SEC24C: variants seen among roughly 807,000 people sequenced by gnomAD.
SEC24C encodes SEC24 homolog C, COPII component.
SEC24C carries 22 observed loss-of-function variants against 117.0 expected under a neutral mutation model. The observed-to-expected ratio is 0.19, with a 90% CI of 0.13 to 0.27. The LOEUF (loss-of-function observed/expected upper bound fraction) is 0.27, where lower values mean the gene tolerates loss of function less well. SEC24C is among the 10% of genes least tolerant of loss of function. The pLI is 1.00. For missense variants in SEC24C, 1,155 were observed against 1,375.1 expected (o/e 0.84, Z 2.53); for synonymous variants, 506 against 529.4 (o/e 0.96, Z 0.61).
At chr10:73,748,406 A>G (rs1173920205) in intron 2 of SEC24C, among the ~76,000 whole-genome samples, 1 of 148,944 alleles carries the variant, frequency 6.7e-6, no homozygotes, top group Non-Finnish European at 1.5e-5. Flanking sequence ...AAGTGCTGAC[A>G]TTACAGGCAT....
At chr10:73,754,338 C>T (rs2132534072) in intron 3 of SEC24C, among the ~76,000 whole-genome samples, 1 of 152,208 alleles carries the variant, frequency 6.6e-6, no homozygotes, top group South Asian at 2.1e-4. Context: ...TCGCTTGAAC[C>T]CAGGAGGCAG....
At chr10:73,748,654 C>G (rs1213146994) in intron 2 of SEC24C, among the ~76,000 whole-genome samples, 1 of 152,080 alleles carries the variant, frequency 6.6e-6, no homozygotes, top group Non-Finnish European at 1.5e-5. Context: ...CCAGGCTGGT[C>G]TCAAACTCCT....
chr10:73,748,656 CAA>C (rs1273796683), intron 2 of SEC24C, among the ~76,000 whole-genome samples: 1 of 152,012 alleles, frequency 6.6e-6, no homozygotes, highest in African/African-American at 2.4e-5. Flanking sequence ...AGGCTGGTCT[CAA>C]ACTCCTGGCC....
chr10:73,768,830 G>A lies in SEC24C; in HGVS notation c.2202G>A (p.Arg734=). 1 of 1,613,624 alleles carries A rather than the reference G, an allele frequency of 6.2e-7. No homozygotes were observed. Residue 734 remains arginine (R), a synonymous_variant, in exon 16 of 23, where the codon CGG becomes CGA. Transcript: ENST00000345254. ...TGCAGGTGGAGAACGACCAGGAGCG[G>A]TTCCTGAGTGACCTGCGTCGTGATG... is the stretch of plus-strand genomic sequence containing the variant. ...ASFQVENDQE[R]FLSDLRRDVQ...
At chr10:73,760,597 C>T in intron 5 of SEC24C, 116 bp from the exon 6 acceptor site, 1 of 1,225,130 alleles carries the variant, frequency 8.2e-7, no homozygotes, top group Non-Finnish European at 1.1e-6. Flanking sequence ...ATGTCTTTGC[C>T]AGGCATTAGT....
At chr10:73,755,947 G>A (rs1184227341) in intron 3 of SEC24C, among the ~76,000 whole-genome samples, 1 of 151,778 alleles carries the variant, frequency 6.6e-6, no homozygotes, top group Non-Finnish European at 1.5e-5. Context: ...TACCTCCCAG[G>A]TTCAAGCGAT....
intron 1 of SEC24C, among the ~76,000 whole-genome samples, chr10:73,745,200 C>T (rs2082527825): frequency 6.6e-6 from 1 of 151,998 alleles, no homozygotes; most frequent in Non-Finnish European, 1.5e-5. Context: ...AATGATACAG[C>T]TGTTGAAAGT....
At chr10:73,746,751 A>G in intron 1 of SEC24C, 54 bp from the exon 2 acceptor site, 3 of 1,272,570 alleles carry the variant, frequency 2.4e-6, no homozygotes, top group South Asian at 1.5e-5. Flanking sequence ...CCTGCCCTGA[A>G]TAGTTGCTCT....
chr10:73,769,582 C>T lies in SEC24C; in HGVS notation c.2564-33C>T. The T allele has an allele frequency of 6.2e-7, 1 of 1,612,630 alleles. No individual in the cohort carries two copies. Among genetic ancestry groups the T allele is most frequent in the Middle Eastern group, 1.7e-4 (1 of 6,058 alleles). On this transcript the variant is annotated intron_variant, in intron 18 of 22. Coordinates refer to ENST00000345254, the MANE Select transcript of SEC24C (RefSeq NM_198597.3). The surrounding 1 kb of genome is among the most constrained non-coding windows in gnomAD (Gnocchi z 4.5). ...GTGGGAATGCACACATGATGGGCAG[C>T]TGACCAGTGACTATCTTTGCTTTCC...
chr10:73,768,392 A>G (rs2082918547), intron 15 of SEC24C, among the ~76,000 whole-genome samples: 1 of 152,158 alleles, frequency 6.6e-6, no homozygotes, highest in Admixed American at 6.5e-5. Flanking sequence ...AAGAAGAAAT[A>G]GTGTTGGAAG....
At chr10:73,768,672 T>C (rs1166630109) in intron 15 of SEC24C, 138 bp from the exon 16 acceptor site, 5 of 760,178 alleles carry the variant, frequency 6.6e-6, no homozygotes. Flanking sequence ...AAGCTATTAT[T>C]GTCATCATCA....
chr10:73,763,194 G>A (rs1310073977), intron 6 of SEC24C, among the ~76,000 whole-genome samples: 1 of 152,090 alleles, frequency 6.6e-6, no homozygotes, highest in Non-Finnish European at 1.5e-5. Flanking sequence ...TGGAATGGGA[G>A]GAATGAGAGG....
chr10:73,768,673 G>GTCATCA (rs1169588865), intron 15 of SEC24C, 137 bp from the exon 16 acceptor site: 1 of 767,442 alleles, frequency 1.3e-6, no homozygotes, highest in Admixed American at 2.1e-5. Flanking sequence ...AGCTATTATT[G>GTCATCA]TCATCATCAT....
At chr10:73,746,662 T>G in intron 1 of SEC24C, 143 bp from the exon 2 acceptor site, 1 of 515,032 alleles carries the variant, frequency 1.9e-6, no homozygotes, top group Non-Finnish European at 3.3e-6. Flanking sequence ...GGGCAGAAAA[T>G]TACTAAGATC....
At chr10:73,768,750 T>C (rs1308592920) in intron 15 of SEC24C, 60 bp from the exon 16 acceptor site, 45 of 1,518,912 alleles carry the variant, frequency 3.0e-5, no homozygotes, top group South Asian at 6.8e-5. Context: ...TACAGGGAGA[T>C]TGTCTGCACG....
intron 7 of SEC24C, 105 bp downstream of exon 7, chr10:73,763,706 T>TTTTTTTAA: frequency 7.3e-6 from 5 of 681,256 alleles, no homozygotes; most frequent in Non-Finnish European, 1.1e-5. Context: ...TTTTAGTTTT[T>TTTTTTTAA]AACCAGAGAC....
Position 73,765,493 on chromosome 10 carries a change from C to G in SEC24C, c.1270C>G (p.Arg424Gly). 6.2e-7 allele frequency: 1 copy of G among 1,613,944 alleles called. No individual in the cohort carries two copies. The highest frequency in any genetic ancestry group is 1.3e-5 in the African/African-American group (1 of 75,022). ...VVDHGESGPLRCNRCKAYMCP... is the reference protein window; with the variant it reads ...VVDHGESGPLGCNRCKAYMCP... ...GGACCATGGGGAATCTGGCCCTTTG[C>G]GCTGCAACCGCTGCAAAGCATACAT... The change falls in exon 9 of 23, where the codon CGC becomes GGC. Residue 424 changes from arginine (R) to glycine (G), a missense_variant. By Grantham distance (125) the Arg-to-Gly change is moderately radical (BLOSUM62 -2). Around this residue, in one of 2 missense-constraint regions of SEC24C, gnomAD observed 759 missense variants for 992.3 expected, o/e 0.76. Transcript: ENST00000345254.
In SEC24C at chr10:73,766,532, T is replaced by G. The variant is rs1188522119; in HGVS notation, c.1790T>G (p.Val597Gly). Residue 597 changes from valine to glycine, a missense_variant, in exon 12 of 23, where the codon GTT becomes GGT. Coordinates refer to ENST00000345254, the MANE Select transcript of SEC24C (RefSeq NM_198597.3). ...FLVNVNESRA[V>G]ITSLLDQIPE... ...GTCAACGTCAATGAGTCTCGGGCAG[T>G]TATCACCAGGTAAGAGCCAGATTGT... is the stretch of plus-strand genomic sequence containing the variant. 5 of 1,607,730 alleles carry G rather than the reference T, an allele frequency of 3.1e-6. No homozygotes were observed. In the African/African-American group the frequency reaches 5.3e-5, roughly 17 times the overall value.
chr10:73,769,805 A>C lies in SEC24C; in HGVS notation c.2683-31A>C. On this transcript the variant is annotated intron_variant, in intron 19 of 22. Coordinates refer to ENST00000345254, the MANE Select transcript of SEC24C (RefSeq NM_198597.3). This position sits in a 1 kb window ranked among gnomAD's most constrained non-coding sequence, Gnocchi z 4.5. ...TTGCATTTGGGAGGGATTTCTCATG[A>C]TCATTGACTTTATTTTGATAATCCC... 1 of 1,612,962 alleles carries C rather than the reference A, an allele frequency of 6.2e-7. No homozygotes were observed. The highest frequency in any genetic ancestry group is 1.1e-5 in the South Asian group (1 of 91,058).
Sources: allele counts gnomAD v4.1 joint callset (sites outside exome capture counted in the v4.1 genomes callset), GRCh38; gene constraint gnomAD v4.1.1; regional missense constraint gnomAD v4.1.1; non-coding constraint Gnocchi (gnomAD v3.1); transcripts MANE v1.5; gene names NCBI Gene and HGNC (gene_info 2026-07-23, HGNC 2026-07-21).